SPATA6: variants seen among roughly 807,000 people sequenced by gnomAD.
SPATA6 encodes spermatogenesis associated 6.
Under a neutral mutation model 65.3 loss-of-function variants are expected in SPATA6, and 56 were observed. The ratio of observed to expected loss-of-function variants is 0.86; its 90% confidence interval spans 0.69 to 1.07. The LOEUF (loss-of-function observed/expected upper bound fraction) is 1.07. Ranked by LOEUF, SPATA6 falls within the 50% of genes least tolerant of loss-of-function variation. SPATA6 has a pLI of 0.00. For missense variants in SPATA6, 590 were observed against 594.8 expected (o/e 0.99, Z 0.08); for synonymous variants, 199 against 213.2 (o/e 0.93, Z 0.58).
intron 12 of SPATA6, among the ~76,000 whole-genome samples, chr1:48,305,313 A>G (rs1180459740): frequency 6.6e-6 from 1 of 152,196 alleles, no homozygotes; most frequent in Non-Finnish European, 1.5e-5. Flanking sequence ...TCCAAAATTT[A>G]CACTTTTTAA....
chr1:48,374,262 A>G (rs1647631074), intron 9 of SPATA6, among the ~76,000 whole-genome samples: 2 of 152,188 alleles, frequency 1.3e-5, no homozygotes, highest in South Asian at 4.1e-4. Flanking sequence ...ATCATGCAAA[A>G]ATCAATTCCA....
chr1:48,460,669 C>T (rs1292501112), intron 1 of SPATA6, among the ~76,000 whole-genome samples: 1 of 151,232 alleles, frequency 6.6e-6, no homozygotes, highest in Non-Finnish European at 1.5e-5. Context: ...TAGTTGTGAC[C>T]TATTGCAAAA....
At chr1:48,436,633 C>T in intron 3 of SPATA6, 2 of 1,614,072 alleles carry the variant, frequency 1.2e-6, no homozygotes, top group Non-Finnish European at 1.7e-6. Context: ...GTATGATTTC[C>T]CACAGTTCAG....
Position 48,297,110 on chromosome 1 carries a change from T to A in SPATA6, c.*1603A>T, listed in dbSNP as rs1214017399. 3.4e-5 allele frequency: 5 copies of A among 145,886 alleles called. No homozygotes were observed. Among genetic ancestry groups the A allele is most frequent in the Non-Finnish European group, 7.5e-5 (5 of 66,864 alleles). 9.0% of individuals were successfully genotyped at this position (145,886 alleles called of 1,614,324 possible). A position where few individuals can be genotyped will look rare whatever the true frequency, so the allele number is the denominator to read the frequency against. ...CTCTTTTTACCTCTATAATCCTACA[T>A]ATGACTCTCTAAGAGGTGTGTGTGT... On this transcript the variant is annotated 3_prime_UTR_variant, in exon 13 of 13. Transcript: ENST00000371847.
At chr1:48,396,582 G>A (rs1421249178) in intron 7 of SPATA6, among the ~76,000 whole-genome samples, 2 of 151,566 alleles carry the variant, frequency 1.3e-5, no homozygotes, top group African/African-American at 2.4e-5. Context: ...ATTATTCAAC[G>A]GTAAAAGGGA....
intron 11 of SPATA6, among the ~76,000 whole-genome samples, chr1:48,330,454 C>T (rs1645883006): frequency 6.6e-6 from 1 of 152,192 alleles, no homozygotes; most frequent in African/African-American, 2.4e-5. Context: ...CTACCACCAC[C>T]ACTAGTATCC....
intron 1 of SPATA6, among the ~76,000 whole-genome samples, chr1:48,456,109 C>T (rs144432831): frequency 6.6e-6 from 1 of 152,274 alleles, no homozygotes; most frequent in Non-Finnish European, 1.5e-5. Context: ...GACCTTGGGG[C>T]TTTGAGAAAG....
chr1:48,324,205 G>A (rs56982530), intron 11 of SPATA6, among the ~76,000 whole-genome samples: 2,489 of 152,116 alleles, frequency 0.016, 81 homozygotes, highest in African/African-American at 0.057. Context: ...AGATTCTCCC[G>A]CCTTGGCCTC....
intron 7 of SPATA6, among the ~76,000 whole-genome samples, chr1:48,397,570 A>G (rs1650725355): frequency 6.6e-6 from 1 of 151,696 alleles, no homozygotes; most frequent in Non-Finnish European, 1.5e-5. Flanking sequence ...CACTTTTCAT[A>G]CCATGTACAT....
chr1:48,316,621 A>C (rs549779027), intron 11 of SPATA6, among the ~76,000 whole-genome samples: 1 of 151,970 alleles, frequency 6.6e-6, no homozygotes, highest in African/African-American at 2.4e-5. Context: ...CATAGGCATG[A>C]GCAAGGACTT....
At chr1:48,437,098 G>A (rs1341236991) in intron 3 of SPATA6, 4 of 1,598,132 alleles carry the variant, frequency 2.5e-6, no homozygotes, top group Non-Finnish European at 3.4e-6. Context: ...AGAAAGCCAG[G>A]ATTCAATACT....
At chr1:48,290,494 T>C (rs907790137), downstream of SPATA6, among the ~76,000 whole-genome samples, 1 of 152,000 alleles carries the variant, frequency 6.6e-6, no homozygotes, top group African/African-American at 2.4e-5. Flanking sequence ...TCACACATAA[T>C]AATATTAACC....
At chr1:48,378,159 T>C (rs1159602195) in intron 9 of SPATA6, among the ~76,000 whole-genome samples, 3 of 152,200 alleles carry the variant, frequency 2.0e-5, no homozygotes, top group East Asian at 1.9e-4. Context: ...GTATATCAAA[T>C]AGCATTACCC....
chr1:48,324,299 A>T (rs1055510610), intron 11 of SPATA6, among the ~76,000 whole-genome samples: 8 of 152,072 alleles, frequency 5.3e-5, no homozygotes, highest in African/African-American at 1.9e-4. Context: ...TCCTAAACAA[A>T]CTATTCCAAA....
intron 11 of SPATA6, among the ~76,000 whole-genome samples, chr1:48,317,731 G>A (rs1159838010): frequency 6.6e-6 from 1 of 151,856 alleles, no homozygotes; most frequent in Non-Finnish European, 1.5e-5. Context: ...GCTTCATGGT[G>A]TTATATATTT....
chr1:48,325,344 C>A (rs1306864789), intron 11 of SPATA6: 11 of 1,334,182 alleles, frequency 8.2e-6, no homozygotes, highest in Admixed American at 1.8e-5. Flanking sequence ...GTAGAGTCCT[C>A]CCCTGAAGGC....
intron 3 of SPATA6, among the ~76,000 whole-genome samples, chr1:48,434,670 A>G (rs1015120061): frequency 6.6e-6 from 1 of 152,118 alleles, no homozygotes; most frequent in Non-Finnish European, 1.5e-5. Flanking sequence ...CAGTATAGTG[A>G]GAGAACATCT....
At chr1:48,423,098 A>C (rs1653502761) in intron 3 of SPATA6, among the ~76,000 whole-genome samples, 1 of 152,194 alleles carries the variant, frequency 6.6e-6, no homozygotes, top group East Asian at 1.9e-4. Context: ...TATTCAAATA[A>C]ATACCTATTA....
At chr1:48,327,521 T>A (rs1557568779) in intron 11 of SPATA6, among the ~76,000 whole-genome samples, 1 of 152,178 alleles carries the variant, frequency 6.6e-6, no homozygotes, top group East Asian at 1.9e-4. Flanking sequence ...AAATAAATAA[T>A]TACATTAAAA....
Sources: gnomAD v4.1 joint callset for allele counts (sites outside exome capture counted in the v4.1 genomes callset) on GRCh38, gnomAD v4.1.1 for gene constraint, MANE v1.5 for transcripts, NCBI Gene and HGNC (gene_info 2026-07-23, HGNC 2026-07-21) for gene names.